Variants in OPN3 observed in about 807,000 individuals in gnomAD.
OPN3 encodes the protein opsin 3.
Under a neutral mutation model 33.8 loss-of-function variants are expected in OPN3, and 29 were observed. That is an observed-to-expected ratio of 0.86 (90% confidence interval 0.64 to 1.17). OPN3 has a LOEUF of 1.17. Ranked by LOEUF, OPN3 falls within the 50% of genes most tolerant of loss-of-function variation. The pLI is 0.00. For missense variants in OPN3, 437 were observed against 514.1 expected (o/e 0.85, Z 1.45); for synonymous variants, 216 against 216.1 (o/e 1.00, Z 0.00).
At chr1:241,639,465 G>C (rs569169770) in intron 1 of OPN3, among the ~76,000 whole-genome samples, 1 of 152,150 alleles carries the variant, frequency 6.6e-6, no homozygotes, top group South Asian at 2.1e-4. Flanking sequence ...CAACTTTCAC[G>C]AGTTAATCAC....
intron 1 of OPN3, among the ~76,000 whole-genome samples, chr1:241,605,901 A>T (rs1252734100): frequency 6.6e-6 from 1 of 152,194 alleles, no homozygotes; most frequent in Non-Finnish European, 1.5e-5. Flanking sequence ...TGTTATTTTA[A>T]TTTTTTTTAT....
chr1:241,634,633 G>A, intron 1 of OPN3: 1 of 1,613,852 alleles, frequency 6.2e-7, no homozygotes, highest in Admixed American at 1.7e-5. Context: ...GGCCATACAA[G>A]GGAAATAAAA....
intron 1 of OPN3, chr1:241,633,754 C>T (rs1213139181): frequency 6.2e-7 from 1 of 1,601,406 alleles, no homozygotes; most frequent in Non-Finnish European, 8.5e-7. Flanking sequence ...AATTCTGATG[C>T]CATGAAGGAG....
intron 1 of OPN3, chr1:241,635,429 A>G: frequency 1.2e-6 from 2 of 1,614,050 alleles, no homozygotes; most frequent in African/African-American, 1.3e-5. Flanking sequence ...AATCTCTTCA[A>G]CGTTGTCCTC....
intron 1 of OPN3, chr1:241,633,731 C>T: frequency 2.6e-6 from 4 of 1,563,992 alleles, no homozygotes; most frequent in Non-Finnish European, 3.5e-6. Context: ...GGAAACTGTC[C>T]TTTAAATGAG....
At chr1:241,611,319 G>A (rs1663985387) in intron 1 of OPN3, among the ~76,000 whole-genome samples, 1 of 152,016 alleles carries the variant, frequency 6.6e-6, no homozygotes, top group Admixed American at 6.6e-5. Context: ...TCTGTTGTAT[G>A]AAAAGGTTAC....
chr1:241,618,108 C>T (rs1664183100), intron 1 of OPN3, among the ~76,000 whole-genome samples: 1 of 152,180 alleles, frequency 6.6e-6, no homozygotes, highest in African/African-American at 2.4e-5. Flanking sequence ...TAGAACAAGG[C>T]TAGTTCCCAG....
chr1:241,601,975 T>C (rs1663689811), intron 2 of OPN3, among the ~76,000 whole-genome samples: 1 of 152,174 alleles, frequency 6.6e-6, no homozygotes, highest in African/African-American at 2.4e-5. Flanking sequence ...CTGTGGACCA[T>C]CCAAGTGGAG....
chr1:241,625,874 T>C (rs1202308142), intron 1 of OPN3, among the ~76,000 whole-genome samples: 1 of 152,216 alleles, frequency 6.6e-6, no homozygotes, highest in Non-Finnish European at 1.5e-5. Context: ...GGAGCTGACC[T>C]GCATTGCAGA....
chr1:241,594,818 G>C lies in OPN3; in HGVS notation c.946-127C>G. ...GTTTGTTAGCAGGTGTGGATGTGGGGTTATGTGGTCATGCTCAGATCTACC... is the reference window on the plus strand; with the variant it reads ...GTTTGTTAGCAGGTGTGGATGTGGGCTTATGTGGTCATGCTCAGATCTACC... On this transcript the variant is annotated intron_variant, in intron 3 of 3. Coordinates refer to ENST00000366554, the MANE Select transcript of OPN3 (RefSeq NM_014322.3). 4 of 1,025,080 alleles carry C rather than the reference G, an allele frequency of 3.9e-6. No homozygotes were observed. In the South Asian group the frequency reaches 6.5e-5, roughly 17 times the overall value. The allele number at this position is 1,025,080 out of a possible 1,614,324, so 63.5% of individuals were successfully genotyped here.
chr1:241,636,053 AT>A lies in OPN3; in HGVS notation c.373+3828del, dbSNP rs541455805. On this transcript the variant is annotated intron_variant, in intron 1 of 3. Transcript: ENST00000366554. Reference sequence around the variant, plus strand: ...AAATGTCAAAATGCATCATATATGCATTTGTGACTGGAACTCTTCTCTGAAA... The same window carrying A: ...AAATGTCAAAATGCATCATATATGCATTGTGACTGGAACTCTTCTCTGAAA... 175 of 458,764 alleles carry A rather than the reference AT, an allele frequency of 3.8e-4. 1 individual carries two copies. In the East Asian group the frequency reaches 5.4e-3, roughly 14 times the overall value. The allele number at this position is 458,764 out of a possible 1,614,324, so 28.4% of individuals were successfully genotyped here.
intron 2 of OPN3, among the ~76,000 whole-genome samples, chr1:241,603,364 G>A (rs1324453593): frequency 6.6e-6 from 1 of 152,162 alleles, no homozygotes; most frequent in Non-Finnish European, 1.5e-5. Flanking sequence ...AATGAGAAAT[G>A]AGTCTGTGTA....
chr1:241,629,158 T>C (rs1025586792), intron 1 of OPN3: 8 of 152,460 alleles, frequency 5.2e-5, no homozygotes, highest in Admixed American at 3.9e-4. Context: ...TTGGGCTTTT[T>C]TCCCCCTTAA....
At chr1:241,635,449 A>G in intron 1 of OPN3, 2 of 1,613,868 alleles carry the variant, frequency 1.2e-6, no homozygotes, top group Non-Finnish European at 1.7e-6. Flanking sequence ...CCATATCCTG[A>G]CTGGCGTAGC....
At chr1:241,625,090 T>G (rs560497937) in intron 1 of OPN3, among the ~76,000 whole-genome samples, 3 of 152,358 alleles carry the variant, frequency 2.0e-5, no homozygotes, top group African/African-American at 7.2e-5. Context: ...CAATAAATAT[T>G]ACATTGTAAT....
At chr1:241,619,266 T>C (rs1664214390) in intron 1 of OPN3, among the ~76,000 whole-genome samples, 1 of 152,194 alleles carries the variant, frequency 6.6e-6, no homozygotes, top group Non-Finnish European at 1.5e-5. Context: ...ACCATTCATT[T>C]GCGTTAACAT....
intron 1 of OPN3, among the ~76,000 whole-genome samples, chr1:241,620,328 G>T (rs375853571): frequency 6.6e-6 from 1 of 152,164 alleles, no homozygotes; most frequent in African/African-American, 2.4e-5. Flanking sequence ...TTACCCAACT[G>T]GTATGGACTG....
At chr1:241,597,681 G>C in intron 3 of OPN3, 65 bp downstream of exon 3, 1 of 1,513,766 alleles carries the variant, frequency 6.6e-7, no homozygotes, top group South Asian at 1.2e-5. Flanking sequence ...CTCTGTAAAA[G>C]TATTACACTG....
intron 1 of OPN3, among the ~76,000 whole-genome samples, chr1:241,637,123 C>A (rs1398140684): frequency 1.3e-5 from 2 of 152,154 alleles, no homozygotes; most frequent in Non-Finnish European, 2.9e-5. Flanking sequence ...AACAATACTG[C>A]TAAACTTTCT....
Sources: gnomAD v4.1 joint callset for allele counts (sites outside exome capture counted in the v4.1 genomes callset) on GRCh38, gnomAD v4.1.1 for gene constraint, MANE v1.5 for transcripts, NCBI Gene and HGNC (gene_info 2026-07-23, HGNC 2026-07-21) for gene names.